Variants in NTN1 observed in about 807,000 individuals in gnomAD.
NTN1 encodes the protein netrin 1.
A neutral mutation model predicts 54.2 loss-of-function variants in NTN1; 11 were observed. The ratio of observed to expected loss-of-function variants is 0.20; its 90% CI spans 0.13 to 0.34. The LOEUF (loss-of-function observed/expected upper bound fraction) is 0.34, where lower values mean the gene tolerates loss of function less well. Among genes scored for constraint, NTN1 ranks in the 10% least tolerant of loss-of-function variants. The pLI, the probability that NTN1 is intolerant of heterozygous loss-of-function variation, is 1.00. For missense variants in NTN1, 740 were observed against 893.1 expected (o/e 0.83, Z 2.18); for synonymous variants, 371 against 382.0 (o/e 0.97, Z 0.33).
chr17:9,197,337 G>T (rs1179077074), intron 5 of NTN1, among the ~76,000 whole-genome samples: 1 of 151,990 alleles, frequency 6.6e-6, no homozygotes, highest in Non-Finnish European at 1.5e-5. Context: ...GCTTAGCAAA[G>T]CTTCCTCCTC....
At chr17:9,128,616 G>A (rs890460341) in intron 2 of NTN1, among the ~76,000 whole-genome samples, 1 of 152,162 alleles carries the variant, frequency 6.6e-6, no homozygotes, top group Non-Finnish European at 1.5e-5. Flanking sequence ...ACTGAAGGCT[G>A]CACCTGGTCG....
chr17:9,179,833 G>A lies in NTN1; in HGVS notation c.1234G>A (p.Ala412Thr). The change falls in exon 4 of 7, where the codon GCT (alanine) becomes ACT (threonine). Residue 412 changes from alanine to threonine, a missense_variant. Physicochemically the swap from Ala to Thr is moderately conservative, Grantham distance 58. Coordinates refer to ENST00000173229, the MANE Select transcript of NTN1 (RefSeq NM_004822.3). ...KACDCHPVGA[A>T]GKTCNQTTGQ... ...CTGTGATTGCCACCCTGTGGGTGCT[G>A]CTGGCAAAACCTGCAACCAAACCAC... 1 of 1,614,020 alleles carries A rather than the reference G, an allele frequency of 6.2e-7. No individual in the cohort carries two copies. Among genetic ancestry groups the A allele is most frequent in the Non-Finnish European group, 8.5e-7 (1 of 1,179,986 alleles).
chr17:9,151,950 G>T (rs1234050688), intron 2 of NTN1, among the ~76,000 whole-genome samples: 3 of 152,180 alleles, frequency 2.0e-5, no homozygotes, highest in Non-Finnish European at 4.4e-5. Flanking sequence ...CAATCAGCCC[G>T]AGTCTAAAAG....
intron 2 of NTN1, among the ~76,000 whole-genome samples, chr17:9,145,090 C>T (rs77572348): frequency 0.023 from 3,431 of 152,296 alleles, 139 homozygotes; most frequent in African/African-American, 0.079. Context: ...GCATGAAATC[C>T]GAACTCTGGA....
intron 2 of NTN1, among the ~76,000 whole-genome samples, chr17:9,111,718 C>G (rs2092191724): frequency 1.3e-5 from 2 of 152,092 alleles, no homozygotes; most frequent in South Asian, 4.2e-4. Flanking sequence ...ATACTGTATT[C>G]TTACAATAAA....
intron 2 of NTN1, among the ~76,000 whole-genome samples, chr17:9,067,824 A>T (rs575691675): frequency 6.6e-6 from 1 of 152,294 alleles, no homozygotes; most frequent in African/African-American, 2.4e-5. Context: ...GATGGGAGCT[A>T]GGTCCATCCC....
At chr17:9,029,115 G>C (rs2091881090) in intron 2 of NTN1, among the ~76,000 whole-genome samples, 1 of 152,074 alleles carries the variant, frequency 6.6e-6, no homozygotes, top group Admixed American at 6.6e-5. Flanking sequence ...GTCTCTGCAG[G>C]CTCAGAAGGC....
At chr17:9,055,790 T>G (rs1474567186) in intron 2 of NTN1, among the ~76,000 whole-genome samples, 2 of 152,170 alleles carry the variant, frequency 1.3e-5, no homozygotes, top group Non-Finnish European at 2.9e-5. Flanking sequence ...GGGGCAGTCA[T>G]GGCTCACTGC....
At chr17:9,042,560 G>A (rs905655854) in intron 2 of NTN1, among the ~76,000 whole-genome samples, 53 of 151,126 alleles carry the variant, frequency 3.5e-4, no homozygotes, top group Non-Finnish European at 6.2e-4. Context: ...AGGCCGAGGC[G>A]GGCAGATCAT....
intron 5 of NTN1, among the ~76,000 whole-genome samples, chr17:9,195,854 C>G (rs535325114): frequency 6.6e-6 from 1 of 152,298 alleles, no homozygotes; most frequent in East Asian, 1.9e-4. Flanking sequence ...AATACCCTGC[C>G]AGATCTAAAA....
intron 2 of NTN1, among the ~76,000 whole-genome samples, chr17:9,126,852 A>G (rs115210724): frequency 0.013 from 1,996 of 152,108 alleles, 41 homozygotes; most frequent in African/African-American, 0.045. Context: ...TATTTGGCTG[A>G]CTTGGCAATG....
chr17:9,007,089 G>A, the NTN1 span, among the ~76,000 whole-genome samples: 16 of 152,310 alleles, frequency 1.1e-4, no homozygotes, highest in East Asian at 2.7e-3. Context: ...GTGATTACGA[G>A]ACTCCATTGT....
Position 9,162,826 on chromosome 17 carries a change from C to T in NTN1, c.1032C>T (p.Asn344=), listed in dbSNP as rs377280564. ...CTCCCCCTGCAGCCTGTAACTGCAACCTGCATGCCCGGCGCTGCCGCTTCA... is the reference window on the plus strand; with the variant it reads ...CTCCCCCTGCAGCCTGTAACTGCAATCTGCATGCCCGGCGCTGCCGCTTCA... ...EANECVACNC[N]LHARRCRFNM... is the part of the protein sequence containing the mutation. The change falls in exon 3 of 7, where the codon AAC becomes AAT. Residue 344 remains asparagine, a synonymous_variant. Coordinates refer to ENST00000173229, the MANE Select transcript of NTN1 (RefSeq NM_004822.3). The T allele has an allele frequency of 2.5e-6, 4 of 1,611,660 alleles. No homozygotes were observed. In the African/African-American group the frequency reaches 5.3e-5, roughly 22 times the overall value.
the NTN1 span, among the ~76,000 whole-genome samples, chr17:9,008,614 T>C: frequency 0.064 from 9,696 of 152,252 alleles, 863 homozygotes; most frequent in African/African-American, 0.19. Flanking sequence ...TGAGCCACTG[T>C]GCACCCAGCA....
intron 6 of NTN1, among the ~76,000 whole-genome samples, chr17:9,227,828 C>T (rs1215448726): frequency 1.3e-5 from 2 of 149,594 alleles, no homozygotes; most frequent in African/African-American, 4.9e-5. Flanking sequence ...CTATTACACA[C>T]ATACCACACG....
At chr17:9,179,674 C>T in intron 3 of NTN1, 133 bp from the exon 4 acceptor site, 1 of 1,150,740 alleles carries the variant, frequency 8.7e-7, no homozygotes, top group Non-Finnish European at 1.2e-6. Flanking sequence ...TTGGGCTTGG[C>T]TGGGCCTGCT....
intron 2 of NTN1, among the ~76,000 whole-genome samples, chr17:9,125,027 T>A (rs1315986911): frequency 6.6e-6 from 1 of 152,212 alleles, no homozygotes; most frequent in Non-Finnish European, 1.5e-5. Flanking sequence ...TTTTGTATAC[T>A]TCTAGCACGC....
chr17:9,125,020 T>G (rs1239438902), intron 2 of NTN1, among the ~76,000 whole-genome samples: 1 of 152,204 alleles, frequency 6.6e-6, no homozygotes, highest in African/African-American at 2.4e-5. Flanking sequence ...GTGTTTCTTT[T>G]GTATACTTCT....
At chr17:9,228,820 CTGTGTGTGTGTG>C (rs10641432) in intron 6 of NTN1, among the ~76,000 whole-genome samples, 5 of 141,408 alleles carry the variant, frequency 3.5e-5, no homozygotes, top group East Asian at 2.1e-4. Context: ...ATCTGTTCAG[CTGTGTGTGTGTG>C]TGTGTGTGTG....
Sources: allele counts gnomAD v4.1 joint callset (sites outside exome capture counted in the v4.1 genomes callset), GRCh38; gene constraint gnomAD v4.1.1; transcripts MANE v1.5; gene names NCBI Gene and HGNC (gene_info 2026-07-23, HGNC 2026-07-21).